Variants in EIF3H observed in about 807,000 individuals in gnomAD.
The protein encoded by EIF3H is eukaryotic translation initiation factor 3 subunit H, also known as eIF-3-gamma.
In EIF3H, 26 loss-of-function variants were observed where a neutral mutation model predicts 44.2. That is an observed-to-expected ratio of 0.59 (90% confidence interval 0.43 to 0.82). The LOEUF is 0.82. EIF3H is among the 40% of genes least tolerant of loss of function. The pLI is 0.00. For missense variants in EIF3H, 359 were observed against 432.8 expected (o/e 0.83, Z 1.51); for synonymous variants, 166 against 151.9 (o/e 1.09, Z -0.68).
intron 1 of EIF3H, among the ~76,000 whole-genome samples, chr8:116,749,237 A>G (rs1586493473): frequency 6.6e-6 from 1 of 152,322 alleles, no homozygotes; most frequent in South Asian, 2.1e-4. Flanking sequence ...GAAGGGGAAA[A>G]TATATTAACA....
rs550424915 is a variant in EIF3H at position 116,751,169 on chromosome 8, G to A, written c.132+4497C>T. 6.6e-5 allele frequency among the ~76,000 whole-genome samples: 10 copies of A among 151,340 alleles called. No homozygotes were observed. In the South Asian group the frequency reaches 1.3e-3, roughly 19 times the overall value. On this transcript the variant is annotated intron_variant, in intron 1 of 7. Coordinates refer to ENST00000521861, the MANE Select transcript of EIF3H (RefSeq NM_003756.3). ...GGAGCTTGCAGTGAGCCGAGATTGC[G>A]CCACTGCACTCCAGCCTGGGCGACA...
intron 2 of EIF3H, among the ~76,000 whole-genome samples, chr8:116,689,464 A>G (rs1814135875): frequency 6.6e-6 from 1 of 152,258 alleles, no homozygotes; most frequent in African/African-American, 2.4e-5. Context: ...TTTCAATACA[A>G]GTGAGGGTAA....
At chr8:116,699,167 C>A (rs1253348089) in intron 2 of EIF3H, among the ~76,000 whole-genome samples, 1 of 152,024 alleles carries the variant, frequency 6.6e-6, no homozygotes, top group Admixed American at 6.6e-5. Context: ...ACACACATAC[C>A]CACATATTTA....
chr8:116,672,880 G>A (rs774017781), intron 2 of EIF3H, among the ~76,000 whole-genome samples: 6 of 151,668 alleles, frequency 4.0e-5, no homozygotes, highest in Non-Finnish European at 5.9e-5. Context: ...AAACAAGAAC[G>A]CCTCTCTCAA....
chr8:116,690,238 A>G (rs2130859389), intron 2 of EIF3H, among the ~76,000 whole-genome samples: 1 of 152,310 alleles, frequency 6.6e-6, no homozygotes, highest in South Asian at 2.1e-4. Flanking sequence ...AGAAACTACT[A>G]GAGTCACATG....
chr8:116,766,149 T>G (rs1815570198), exon 1 of EIF3H: 1 of 153,876 alleles, frequency 6.5e-6, no homozygotes, highest in Non-Finnish European at 1.5e-5. Context: ...AGGGGAATAA[T>G]GTAAGGTAAA....
At chr8:116,722,976 A>T (rs910410861) in intron 2 of EIF3H, among the ~76,000 whole-genome samples, 2 of 152,228 alleles carry the variant, frequency 1.3e-5, no homozygotes, top group Admixed American at 1.3e-4. Context: ...GGTCAATTCA[A>T]GTACTTCAAG....
chr8:116,649,226 T>C (rs930407471), intron 5 of EIF3H, among the ~76,000 whole-genome samples: 31 of 152,342 alleles, frequency 2.0e-4, no homozygotes, highest in African/African-American at 6.7e-4. Context: ...ATAATACATA[T>C]TTTTTATACC....
intron 1 of EIF3H, among the ~76,000 whole-genome samples, chr8:116,761,280 G>C (rs1033545798): frequency 6.6e-6 from 1 of 152,192 alleles, no homozygotes; most frequent in Non-Finnish European, 1.5e-5. Context: ...AGGAGGCCAA[G>C]GTGGGCAGAT....
intron 1 of EIF3H, among the ~76,000 whole-genome samples, chr8:116,736,390 G>A (rs1406600958): frequency 1.3e-5 from 2 of 152,182 alleles, no homozygotes; most frequent in African/African-American, 4.8e-5. Flanking sequence ...TGCCAGGCGC[G>A]GTGGCTCACA....
At chr8:116,709,941 G>T (rs894698809) in intron 2 of EIF3H, among the ~76,000 whole-genome samples, 2 of 152,110 alleles carry the variant, frequency 1.3e-5, no homozygotes, top group African/African-American at 4.8e-5. Context: ...AGTTGTTCAC[G>T]GTGCACACCT....
rs559251017 is a variant in EIF3H at position 116,666,957 on chromosome 8, G to A, written c.290-7977C>T. 6.6e-5 allele frequency among the ~76,000 whole-genome samples: 10 copies of A among 152,284 alleles called. No homozygotes were observed. In the South Asian group the frequency reaches 2.1e-3, roughly 32 times the overall value. On this transcript the variant is annotated intron_variant, in intron 2 of 7. Coordinates refer to ENST00000521861, the MANE Select transcript of EIF3H (RefSeq NM_003756.3). ...ACAACTACTGGGAAAGTATAAGTGTGTGTGCATACACCTGTGTGCATGTGT... is the reference window on the plus strand; with the variant it reads ...ACAACTACTGGGAAAGTATAAGTGTATGTGCATACACCTGTGTGCATGTGT...
At chr8:116,755,554 T>C (rs758621044) in intron 1 of EIF3H, 112 bp downstream of exon 1, 138 of 1,435,498 alleles carry the variant, frequency 9.6e-5, no homozygotes, top group Non-Finnish European at 1.2e-4. Context: ...GGGAAAAACT[T>C]TGGCCCAGCC....
rs1315820972 is a variant in EIF3H, at chr8:116,644,988, T to A, written c.*18A>T. 1 of 1,601,750 alleles carries A rather than the reference T, an allele frequency of 6.2e-7. No individual in the cohort carries two copies. The highest frequency in any genetic ancestry group is 2.2e-5 in the East Asian group (1 of 44,808). ...TTCAAGAGTTCATGTTAACTTCTTT[T>A]CTGGAAACTTCCTTTTCTTAGTTGT... On this transcript the variant is annotated 3_prime_UTR_variant, in exon 8 of 8. Coordinates refer to ENST00000521861, the MANE Select transcript of EIF3H (RefSeq NM_003756.3).
rs997014005 is a variant in EIF3H, at chr8:116,644,766, A to G, written c.*240T>C. 2.3e-6 allele frequency: 1 copy of G among 442,460 alleles called. No homozygotes were observed. Among genetic ancestry groups the G allele is most frequent in the Non-Finnish European group, 4.1e-6 (1 of 246,912 alleles). The allele number at this position is 442,460 out of a possible 1,614,324, so 27.4% of individuals were successfully genotyped here. On this transcript the variant is annotated 3_prime_UTR_variant, in exon 8 of 8. Transcript: ENST00000521861. ...TCAGGGCTTGTTTTAGCTTTTAGAA[A>G]TAAACAAGTATAAGCAAACAAAAGT... is the stretch of plus-strand genomic sequence containing the variant.
chr8:116,648,611 A>C (rs1381565938), intron 6 of EIF3H, among the ~76,000 whole-genome samples, 195 bp downstream of exon 6: 1 of 152,218 alleles, frequency 6.6e-6, no homozygotes, highest in South Asian at 2.1e-4. Context: ...TCTCTTTAAC[A>C]CAGGTATTTT....
intron 2 of EIF3H, among the ~76,000 whole-genome samples, chr8:116,677,606 T>C (rs1332259204): frequency 6.6e-6 from 1 of 152,256 alleles, no homozygotes; most frequent in East Asian, 1.9e-4. Context: ...AGCTTCCATT[T>C]ACTGAGCACC....
At chr8:116,736,699 C>T (rs1483447830) in intron 1 of EIF3H, among the ~76,000 whole-genome samples, 1 of 151,988 alleles carries the variant, frequency 6.6e-6, no homozygotes, top group Admixed American at 6.6e-5. Context: ...GTATAAATAC[C>T]TTAACTGAAC....
chr8:116,700,088 G>A (rs1814346868), intron 2 of EIF3H, among the ~76,000 whole-genome samples: 2 of 152,206 alleles, frequency 1.3e-5, no homozygotes, highest in Non-Finnish European at 2.9e-5. Context: ...TTACAGGCGT[G>A]AGCCACCGTG....
Sources: gnomAD v4.1 joint callset for allele counts (sites outside exome capture counted in the v4.1 genomes callset) on GRCh38, gnomAD v4.1.1 for gene constraint, MANE v1.5 for transcripts, NCBI Gene and HGNC (gene_info 2026-07-23, HGNC 2026-07-21) for gene names.